Variants in NRXN3 observed in about 807,000 individuals in gnomAD.
NRXN3 encodes neurexin III.
Under a neutral mutation model 137.6 loss-of-function variants are expected in NRXN3, and 32 were observed. That is an observed-to-expected ratio of 0.23 (90% CI 0.18 to 0.31). NRXN3 has a LOEUF of 0.31. NRXN3 is among the 10% of genes least tolerant of loss of function. The pLI is 1.00. For missense variants in NRXN3, 1,574 were observed against 2,062.5 expected (o/e 0.76, Z 4.59); for synonymous variants, 798 against 784.5 (o/e 1.02, Z -0.29).
chr14:79,634,111 C>T (rs170252), intron 16 of NRXN3, among the ~76,000 whole-genome samples: 1,789 of 152,248 alleles, frequency 0.012, 41 homozygotes, highest in African/African-American at 0.04. Context: ...GATTTTTCTA[C>T]GGAAACAGCT....
chr14:78,734,981 T>A (rs893973057), intron 8 of NRXN3, among the ~76,000 whole-genome samples: 1 of 152,192 alleles, frequency 6.6e-6, no homozygotes, highest in African/African-American at 2.4e-5. Flanking sequence ...ATTTGCTTTT[T>A]TAAAGGTCAT....
Position 78,303,666 on chromosome 14 carries a change from C to A in NRXN3, c.757+5806C>A, listed in dbSNP as rs371257074. Among the ~76,000 whole-genome samples the A allele has an allele frequency of 2.2e-4, 33 of 152,300 alleles. No individual in the cohort carries two copies. In the East Asian group the frequency reaches 5.8e-3, roughly 27 times the overall value. ...CCCATCTCCAAAAGTCCCAAAGTCA[C>A]TCTGCTTGCATCCACACTGCATTCT... On this transcript the variant is annotated intron_variant, in intron 4 of 20. Coordinates refer to ENST00000335750, the MANE Select transcript of NRXN3 (RefSeq NM_001330195.2).
chr14:79,588,993 G>C (rs977353925), intron 16 of NRXN3, among the ~76,000 whole-genome samples: 5 of 152,118 alleles, frequency 3.3e-5, no homozygotes, highest in African/African-American at 1.2e-4. Flanking sequence ...AGTGACTTAT[G>C]CTTGTAATCT....
chr14:79,285,230 A>T (rs144504903), intron 15 of NRXN3, among the ~76,000 whole-genome samples: 1,915 of 152,276 alleles, frequency 0.013, 41 homozygotes, highest in African/African-American at 0.044. Flanking sequence ...TGCGGGATGA[A>T]ATTTTACAGT....
intron 16 of NRXN3, among the ~76,000 whole-genome samples, chr14:79,468,888 C>A (rs759523174): frequency 2.6e-5 from 4 of 152,140 alleles, no homozygotes; most frequent in Non-Finnish European, 5.9e-5. Context: ...TCAATTTTTT[C>A]TCAGATGCTT....
intron 19 of NRXN3, among the ~76,000 whole-genome samples, chr14:79,777,061 G>A (rs904002076): frequency 2.0e-5 from 3 of 152,146 alleles, no homozygotes; most frequent in Admixed American, 6.5e-5. Flanking sequence ...ATGTAAGCAG[G>A]AGACGAGAGA....
intron 15 of NRXN3, among the ~76,000 whole-genome samples, chr14:79,086,145 A>G (rs2048051380): frequency 6.6e-6 from 1 of 152,114 alleles, no homozygotes; most frequent in African/African-American, 2.4e-5. Context: ...TTCCGGTAGG[A>G]TGACATGAGA....
At chr14:78,182,432 A>C (rs2059894151) in intron 1 of NRXN3, among the ~76,000 whole-genome samples, 1 of 152,090 alleles carries the variant, frequency 6.6e-6, no homozygotes, top group African/African-American at 2.4e-5. Flanking sequence ...CCACGTGTGG[A>C]GCTCTTAGAT....
intron 16 of NRXN3, among the ~76,000 whole-genome samples, chr14:79,470,905 T>A (rs1362535527): frequency 7.8e-6 from 1 of 127,488 alleles, no homozygotes; most frequent in African/African-American, 4.0e-5. Flanking sequence ...AGAGAGAGTG[T>A]GTGTGTGTGT....
At chr14:79,549,514 T>G (rs988290397) in intron 16 of NRXN3, among the ~76,000 whole-genome samples, 2 of 152,018 alleles carry the variant, frequency 1.3e-5, no homozygotes, top group African/African-American at 4.8e-5. Flanking sequence ...ACACACATAT[T>G]CCATCTTTCA....
intron 19 of NRXN3, among the ~76,000 whole-genome samples, chr14:79,758,594 G>A (rs1426441378): frequency 1.3e-5 from 2 of 152,280 alleles, no homozygotes; most frequent in East Asian, 3.9e-4. Flanking sequence ...GGGATCTGGA[G>A]GGGACAAATA....
chr14:79,707,804 A>T (rs1295009101), intron 19 of NRXN3, among the ~76,000 whole-genome samples: 1 of 152,190 alleles, frequency 6.6e-6, no homozygotes, highest in Non-Finnish European at 1.5e-5. Context: ...AGGGACAGTT[A>T]AATGTAGGAA....
chr14:78,722,457 A>G (rs1427979691), intron 8 of NRXN3, among the ~76,000 whole-genome samples: 4 of 152,252 alleles, frequency 2.6e-5, no homozygotes, highest in Non-Finnish European at 4.4e-5. Context: ...TTGAAACACA[A>G]CACAAGGGGA....
intron 15 of NRXN3, among the ~76,000 whole-genome samples, chr14:79,345,076 A>C (rs2092800686): frequency 6.6e-6 from 1 of 152,154 alleles, no homozygotes; most frequent in Non-Finnish European, 1.5e-5. Flanking sequence ...AAACATCTCC[A>C]GTTTAACTGC....
At chr14:79,715,564 T>G (rs1440372345) in intron 19 of NRXN3, among the ~76,000 whole-genome samples, 1 of 152,190 alleles carries the variant, frequency 6.6e-6, no homozygotes, top group East Asian at 1.9e-4. Flanking sequence ...CGATAAACAC[T>G]TAATGGCCAC....
intron 16 of NRXN3, among the ~76,000 whole-genome samples, chr14:79,528,673 G>GTT (rs199974422): frequency 8.3e-4 from 125 of 150,524 alleles, no homozygotes; most frequent in African/African-American, 2.9e-3. Context: ...AAAAAAAGTA[G>GTT]TTTTTTTTTA....
chr14:79,433,612 C>G (rs989043472), intron 15 of NRXN3, among the ~76,000 whole-genome samples: 1 of 152,052 alleles, frequency 6.6e-6, no homozygotes. Flanking sequence ...TTAAAGTGCT[C>G]GTTTCATATG....
At chr14:79,159,760 G>A (rs185533144) in intron 15 of NRXN3, among the ~76,000 whole-genome samples, 2 of 151,760 alleles carry the variant, frequency 1.3e-5, no homozygotes, top group African/African-American at 4.8e-5. Context: ...GTATTGCTCT[G>A]ATAGGAGCAC....
At chr14:79,022,355 T>C (rs1240549638) in intron 15 of NRXN3, among the ~76,000 whole-genome samples, 2 of 152,184 alleles carry the variant, frequency 1.3e-5, no homozygotes, top group Admixed American at 1.3e-4. Context: ...TTTTTTTAAA[T>C]TGGTCTCCTA....
Sources: gnomAD v4.1 joint callset for allele counts (sites outside exome capture counted in the v4.1 genomes callset) on GRCh38, gnomAD v4.1.1 for gene constraint, MANE v1.5 for transcripts, NCBI Gene and HGNC (gene_info 2026-07-23, HGNC 2026-07-21) for gene names.